Variants in OLA1 observed in about 807,000 individuals in gnomAD.
OLA1 encodes the protein obg-like ATPase 1.
Under a neutral mutation model 48.4 loss-of-function variants are expected in OLA1, and 14 were observed. That is an observed-to-expected ratio of 0.29 (90% CI 0.19 to 0.45). OLA1 has a LOEUF of 0.45. Among genes scored for constraint, OLA1 ranks in the 20% least tolerant of loss-of-function variants. OLA1 has a pLI of 1.00. For missense variants in OLA1, 325 were observed against 467.1 expected (o/e 0.70, Z 2.80); for synonymous variants, 127 against 150.4 (o/e 0.84, Z 1.14).
In OLA1 at chr2:174,219,006, T is replaced by TTTTTTTTTTTG. The variant is rs57416373; in HGVS notation, c.373+4026_373+4027insCAAAAAAAAAA. Among the ~76,000 whole-genome samples the TTTTTTTTTTTG allele has an allele frequency of 5.2e-5, 7 of 135,810 alleles. 1 individual carries two copies. Among genetic ancestry groups the TTTTTTTTTTTG allele is most frequent in the East Asian group, 5.1e-4 (2 of 3,894 alleles). The allele number at this position is 135,810 out of a possible 152,430, so 89.1% of individuals were successfully genotyped here. A position where few individuals can be genotyped will look rare whatever the true frequency, so the allele number is the denominator to read the frequency against. On this transcript the variant is annotated intron_variant, in intron 4 of 10. Transcript: ENST00000284719. ...CCGGCTAATTTTTTTTTTTTTTTTT[T>TTTTTTTTTTTG]GTAGCAATGTGGTCTCCCTGTGCTT...
At position 174,092,358 on chromosome 2, in the gene OLA1, T is replaced by C. The variant is rs182852987; in HGVS notation, c.729-10294A>G. ...AGTTGAAACTTAATCTAAAAAAGAC[T>C]AGGTAAAAGAACATTTAGGGCCAGG... On this transcript the variant is annotated intron_variant, in intron 7 of 10. Coordinates refer to ENST00000284719, the MANE Select transcript of OLA1 (RefSeq NM_013341.5). 2.0e-4 allele frequency among the ~76,000 whole-genome samples: 31 copies of C among 152,124 alleles called. No homozygotes were observed. In the East Asian group the frequency reaches 5.0e-3, roughly 25 times the overall value.
intron 7 of OLA1, among the ~76,000 whole-genome samples, chr2:174,106,472 C>CA (rs1311320755): frequency 6.6e-6 from 1 of 152,090 alleles, no homozygotes; most frequent in Non-Finnish European, 1.5e-5. Context: ...GAGTTTACCT[C>CA]ACTGATCACA....
intron 5 of OLA1, among the ~76,000 whole-genome samples, chr2:174,128,130 T>C (rs919152199): frequency 6.6e-6 from 1 of 151,936 alleles, no homozygotes. Context: ...TGGTGGCTCA[T>C]GCTTGTAATC....
Position 174,117,303 on chromosome 2 carries a change from T to C in OLA1, c.728+5877A>G, listed in dbSNP as rs115590969. Among the ~76,000 whole-genome samples the C allele has an allele frequency of 7.1e-3, 1,075 of 152,316 alleles. 4 individuals carry two copies. Among genetic ancestry groups the C allele is most frequent in the Non-Finnish European group, 0.01 (693 of 68,032 alleles). The stretch of plus-strand genomic sequence containing the variant: ...CAGAACACATTTTATATGAACAATC[T>C]CAATGAATTATCTTCTACATGAAAG... On this transcript the variant is annotated intron_variant, in intron 7 of 10. Coordinates refer to ENST00000284719, the MANE Select transcript of OLA1 (RefSeq NM_013341.5).
At chr2:174,081,813 T>G in intron 8 of OLA1, 111 bp downstream of exon 8, 1 of 1,049,304 alleles carries the variant, frequency 9.5e-7, no homozygotes, top group Non-Finnish European at 1.4e-6. Context: ...GAAGATTCCC[T>G]CTTTATAATG....
chr2:174,207,673 T>C (rs1688147679), intron 4 of OLA1, among the ~76,000 whole-genome samples: 1 of 152,132 alleles, frequency 6.6e-6, no homozygotes. Context: ...AAGAGTGACA[T>C]CAAAACCAGT....
intron 4 of OLA1, among the ~76,000 whole-genome samples, chr2:174,182,331 C>T (rs1237561411): frequency 6.6e-6 from 1 of 152,154 alleles, no homozygotes; most frequent in South Asian, 2.1e-4. Context: ...TCGAGATCAG[C>T]CTGACCAACA....
intron 2 of OLA1, among the ~76,000 whole-genome samples, chr2:174,245,201 A>G (rs968765020): frequency 1.3e-5 from 2 of 152,204 alleles, no homozygotes; most frequent in Non-Finnish European, 2.9e-5. Context: ...AGCACCCTAC[A>G]GTATTTTGAT....
intron 7 of OLA1, among the ~76,000 whole-genome samples, chr2:174,086,880 T>C (rs1684988935): frequency 6.6e-6 from 1 of 152,194 alleles, no homozygotes; most frequent in African/African-American, 2.4e-5. Flanking sequence ...AAACTGCAGA[T>C]AAGGGGGAGC....
At chr2:174,109,857 G>A (rs561995374) in intron 7 of OLA1, among the ~76,000 whole-genome samples, 1 of 152,236 alleles carries the variant, frequency 6.6e-6, no homozygotes, top group South Asian at 2.1e-4. Context: ...ACATGTGAAG[G>A]TTCGTTACAT....
At chr2:174,110,852 G>A (rs1469738350) in intron 7 of OLA1, among the ~76,000 whole-genome samples, 1 of 152,162 alleles carries the variant, frequency 6.6e-6, no homozygotes, top group African/African-American at 2.4e-5. Context: ...AAAGCACTAA[G>A]ATTACAGGAG....
intron 4 of OLA1, among the ~76,000 whole-genome samples, chr2:174,187,133 T>G (rs1375846684): frequency 2.0e-5 from 3 of 152,194 alleles, no homozygotes; most frequent in Non-Finnish European, 4.4e-5. Context: ...TGCAGAAATT[T>G]AAGACACTCT....
At chr2:174,133,113 T>C (rs1686220881) in intron 5 of OLA1, among the ~76,000 whole-genome samples, 1 of 152,222 alleles carries the variant, frequency 6.6e-6, no homozygotes. Context: ...TCTACTTTGA[T>C]ATCGTATACT....
intron 7 of OLA1, among the ~76,000 whole-genome samples, chr2:174,115,977 C>T (rs1685772086): frequency 6.6e-6 from 1 of 152,170 alleles, no homozygotes; most frequent in African/African-American, 2.4e-5. Flanking sequence ...CACAGAAGGG[C>T]TTAATAATTC....
At chr2:174,113,364 G>T (rs1279623392) in intron 7 of OLA1, among the ~76,000 whole-genome samples, 1 of 152,022 alleles carries the variant, frequency 6.6e-6, no homozygotes, top group African/African-American at 2.4e-5. Context: ...GGTTTATTCT[G>T]TACCACTATT....
At chr2:174,243,731 G>T (rs528853664) in intron 2 of OLA1, among the ~76,000 whole-genome samples, 8 of 152,086 alleles carry the variant, frequency 5.3e-5, no homozygotes, top group Admixed American at 1.3e-4. Flanking sequence ...TCAAAATAGC[G>T]ATTGGCATAT....
intron 4 of OLA1, among the ~76,000 whole-genome samples, chr2:174,142,522 GT>G (rs960874923): frequency 6.6e-6 from 1 of 152,170 alleles, no homozygotes; most frequent in Non-Finnish European, 1.5e-5. Flanking sequence ...TGAGGGTATG[GT>G]TTTTAGGGGG....
intron 4 of OLA1, among the ~76,000 whole-genome samples, chr2:174,159,229 G>A (rs575693730): frequency 1.3e-5 from 2 of 152,224 alleles, no homozygotes; most frequent in South Asian, 4.1e-4. Flanking sequence ...GTTGCTGATT[G>A]GACTGAAAGT....
chr2:174,208,591 G>A (rs1688167697), intron 4 of OLA1, among the ~76,000 whole-genome samples: 1 of 152,236 alleles, frequency 6.6e-6, no homozygotes, highest in Middle Eastern at 3.4e-3. Context: ...CATGTGATGG[G>A]AGCAAAGCAG....
Sources: gnomAD v4.1 joint callset for allele counts (sites outside exome capture counted in the v4.1 genomes callset) on GRCh38, gnomAD v4.1.1 for gene constraint, MANE v1.5 for transcripts, NCBI Gene and HGNC (gene_info 2026-07-23, HGNC 2026-07-21) for gene names.